Variants in RYR3 observed in about 807,000 individuals in gnomAD.
The protein encoded by RYR3 is brain ryanodine receptor-calcium release channel.
Under a neutral mutation model 584.3 loss-of-function variants are expected in RYR3, and 207 were observed. The ratio of observed to expected loss-of-function variants is 0.35; its 90% confidence interval spans 0.32 to 0.40. The LOEUF is 0.40. Among genes scored for constraint, RYR3 ranks in the 10% least tolerant of loss-of-function variants. The pLI is 1.00. For missense variants in RYR3, 5,616 were observed against 6,089.2 expected (o/e 0.92, Z 2.59); for synonymous variants, 2,416 against 2,248.5 (o/e 1.07, Z -2.11).
Position 33,526,860 on chromosome 15 carries a change from A to G in RYR3, c.280-3732A>G, listed in dbSNP as rs1369128981. Among the ~76,000 whole-genome samples, 4 of 152,204 alleles carry G rather than the reference A, an allele frequency of 2.6e-5. No individual in the cohort carries two copies. In the East Asian group the frequency reaches 7.7e-4, roughly 29 times the overall value. On this transcript the variant is annotated intron_variant, in intron 3 of 103. Transcript: ENST00000634891. ...AGAAGATAATAAAGCAGAAAATGTGACAGAGTAAGGATGATTGTTCTTTTA... is the reference window on the plus strand; with the variant it reads ...AGAAGATAATAAAGCAGAAAATGTGGCAGAGTAAGGATGATTGTTCTTTTA...
At chr15:33,492,627 C>A (rs2051064932) in intron 2 of RYR3, among the ~76,000 whole-genome samples, 1 of 152,160 alleles carries the variant, frequency 6.6e-6, no homozygotes, top group African/African-American at 2.4e-5. Context: ...GCTTTGTGTT[C>A]ACTTCCCATC....
intron 13 of RYR3, 60 bp downstream of exon 13, chr15:33,580,204 G>A: frequency 7.6e-7 from 1 of 1,312,600 alleles, no homozygotes; most frequent in Non-Finnish European, 1.1e-6. Context: ...ATATCCCTGT[G>A]ACTACAACTT....
intron 30 of RYR3, 93 bp downstream of exon 30, chr15:33,647,553 C>A: frequency 1.1e-6 from 1 of 874,072 alleles, no homozygotes; most frequent in Non-Finnish European, 1.9e-6. Flanking sequence ...TCTAGAGATC[C>A]TCTTTAATTG....
At chr15:33,634,818 C>G in intron 25 of RYR3, 85 bp downstream of exon 25, 1 of 1,148,164 alleles carries the variant, frequency 8.7e-7, no homozygotes, top group Non-Finnish European at 1.3e-6. Flanking sequence ...ATAGGTCTAA[C>G]TTGTACTATT....
chr15:33,670,271 C>T, intron 37 of RYR3, 148 bp from the exon 38 acceptor site: 1 of 764,932 alleles, frequency 1.3e-6, no homozygotes, highest in East Asian at 2.7e-5. Flanking sequence ...AGATAGGTAA[C>T]TATTCACGAG....
At position 33,780,253 on chromosome 15, in the gene RYR3, T is replaced by C; in HGVS notation, c.9180T>C (p.Ala3060=). The part of the protein sequence containing the change: ...ALGECLASLA[A]AIPVAFLEPT... ...GAGAATGTCTGGCCTCGCTGGCAGC[T>C]GCCATACCAGTGGCATTCCTGGAGC... Residue 3060 remains alanine, a synonymous_variant, in exon 65 of 104, where the codon GCT becomes GCC. Transcript: ENST00000634891. 5.0e-6 allele frequency: 8 copies of C among 1,613,958 alleles called. No homozygotes were observed. Among genetic ancestry groups the C allele is most frequent in the Non-Finnish European group, 6.8e-6 (8 of 1,179,838 alleles).
intron 99 of RYR3, chr15:33,859,007 G>A (rs1276289206): frequency 6.5e-6 from 1 of 152,894 alleles, no homozygotes; most frequent in Non-Finnish European, 1.5e-5. Context: ...GTGTAAGACG[G>A]TCCTTTCTCT....
chr15:33,489,979 T>C (rs2050831526), intron 2 of RYR3, among the ~76,000 whole-genome samples: 1 of 152,236 alleles, frequency 6.6e-6, no homozygotes, highest in African/African-American at 2.4e-5. Flanking sequence ...GACCAAACTC[T>C]ATGAACTGAA....
intron 12 of RYR3, among the ~76,000 whole-genome samples, chr15:33,572,397 T>C (rs1183518022): frequency 6.6e-6 from 1 of 151,944 alleles, no homozygotes; most frequent in Non-Finnish European, 1.5e-5. Context: ...GTGGGCTGAA[T>C]GACAGTTCGA....
intron 20 of RYR3, among the ~76,000 whole-genome samples, chr15:33,628,167 C>T (rs1354919242): frequency 6.6e-6 from 1 of 152,126 alleles, no homozygotes; most frequent in East Asian, 1.9e-4. Flanking sequence ...TGATCATCTA[C>T]TGGGTGAGAG....
At chr15:33,657,391 G>A (rs537488635) in intron 32 of RYR3, among the ~76,000 whole-genome samples, 4 of 152,192 alleles carry the variant, frequency 2.6e-5, no homozygotes, top group African/African-American at 7.2e-5. Context: ...TAGCAGAAAC[G>A]CATGGGCTTC....
chr15:33,664,614 T>TATAC lies in RYR3; in HGVS notation c.5619+878_5619+879insTACA, dbSNP rs1491296584. Among the ~76,000 whole-genome samples the TATAC allele has an allele frequency of 8.0e-4, 96 of 120,542 alleles. 2 individuals are homozygous for TATAC. Among genetic ancestry groups the TATAC allele is most frequent in the Admixed American group, 3.4e-3 (40 of 11,742 alleles). 79.1% of individuals were successfully genotyped at this position (120,542 alleles called of 152,430 possible). ...GTATATATATATATATATATATATA[T>TATAC]ACGTATGTATACATCTGCGAGGGAG... On this transcript the variant is annotated intron_variant, in intron 36 of 103. Coordinates refer to ENST00000634891, the MANE Select transcript of RYR3 (RefSeq NM_001036.6).
intron 1 of RYR3, among the ~76,000 whole-genome samples, chr15:33,472,337 A>T (rs753808663): frequency 3.9e-5 from 6 of 152,170 alleles, no homozygotes; most frequent in Admixed American, 6.5e-5. Flanking sequence ...TCGTAGGCAC[A>T]TTCTAGACAC....
intron 2 of RYR3, among the ~76,000 whole-genome samples, chr15:33,492,888 A>G (rs1345916375): frequency 1.3e-5 from 2 of 152,068 alleles, no homozygotes; most frequent in Non-Finnish European, 2.9e-5. Flanking sequence ...AGGCCAAGAG[A>G]CACAGATTCT....
At chr15:33,839,454 T>G (rs1371716921) in intron 89 of RYR3, among the ~76,000 whole-genome samples, 2 of 152,202 alleles carry the variant, frequency 1.3e-5, no homozygotes, top group African/African-American at 4.8e-5. Flanking sequence ...GTACTTCATG[T>G]CAGTCAACAA....
At position 33,473,415 on chromosome 15, in the gene RYR3, G is replaced by T. The variant is rs113616117; in HGVS notation, c.52-4G>T. ...TCATGTTTGGGTCTCTCTTCTCCTG[G>T]CAGGAGGATGAAGTGGTACTCCAGT... On this transcript the variant is annotated splice_region_variant and splice_polypyrimidine_tract_variant and intron_variant, in intron 1 of 103. Coordinates refer to ENST00000634891, the MANE Select transcript of RYR3 (RefSeq NM_001036.6). The T allele has an allele frequency of 6.2e-7, 1 of 1,613,782 alleles. No individual in the cohort carries two copies. Among genetic ancestry groups the T allele is most frequent in the Non-Finnish European group, 8.5e-7 (1 of 1,179,860 alleles).
intron 3 of RYR3, among the ~76,000 whole-genome samples, chr15:33,505,701 C>A (rs1274021455): frequency 6.6e-6 from 1 of 152,158 alleles, no homozygotes; most frequent in Non-Finnish European, 1.5e-5. Context: ...ACCGTGTTAG[C>A]CAGGATGGTC....
In RYR3 at chr15:33,818,660, G is replaced by C; in HGVS notation, c.10682G>C (p.Ser3561Thr). 6.2e-7 allele frequency: 1 copy of C among 1,613,856 alleles called. No individual in the cohort carries two copies. Among genetic ancestry groups the C allele is most frequent in the Non-Finnish European group, 8.5e-7 (1 of 1,179,836 alleles). Residue 3561 changes from serine (S) to threonine (T), a missense_variant, in exon 76 of 104, where the codon AGC (serine) becomes ACC (threonine). Coordinates refer to ENST00000634891, the MANE Select transcript of RYR3 (RefSeq NM_001036.6). ...DPLHQIILYF[S>T]RNALTERSKL... ...CTACATCAGATCATTCTCTATTTTAGCCGCAACGCTCTCACGGAGAGGAGG... is the reference window on the plus strand; with the variant it reads ...CTACATCAGATCATTCTCTATTTTACCCGCAACGCTCTCACGGAGAGGAGG...
chr15:33,775,440 C>T (rs138446766), intron 64 of RYR3, among the ~76,000 whole-genome samples: 21 of 152,244 alleles, frequency 1.4e-4, no homozygotes, highest in Admixed American at 7.9e-4. Context: ...AACTCTTTCT[C>T]CCTAAATCAG....
Sources: gnomAD v4.1 joint callset for allele counts (sites outside exome capture counted in the v4.1 genomes callset) on GRCh38, gnomAD v4.1.1 for gene constraint, MANE v1.5 for transcripts, NCBI Gene and HGNC (gene_info 2026-07-23, HGNC 2026-07-21) for gene names.